The following WASF1 variants were observed in gnomAD, a reference collection of about 807,000 sequenced individuals.
The protein encoded by WASF1 is WASP family member 1, also known as actin-binding protein WASF1.
Under a neutral mutation model 50.5 loss-of-function variants are expected in WASF1, and 7 were observed. The observed-to-expected ratio is 0.14, with a 90% CI of 0.08 to 0.26. The LOEUF (loss-of-function observed/expected upper bound fraction) is 0.26. WASF1 is among the 10% of genes least tolerant of loss of function. The pLI, the probability that WASF1 is intolerant of heterozygous loss-of-function variation, is 1.00. For missense variants in WASF1, 470 were observed against 694.7 expected (o/e 0.68, Z 3.64); for synonymous variants, 205 against 244.0 (o/e 0.84, Z 1.49).
intron 5 of WASF1, among the ~76,000 whole-genome samples, chr6:110,110,820 GT>G (rs140344157): frequency 8.0e-4 from 118 of 147,910 alleles, no homozygotes; most frequent in African/African-American, 9.6e-4. Flanking sequence ...TACACATGAT[GT>G]TTTTTTTTTA....
rs1405946876 is a variant in WASF1, at chr6:110,160,640, AGATTTTAAC to A, written c.-43_-35del. On this transcript the variant is annotated 5_prime_UTR_variant, in exon 3 of 11. It removes the in-frame stop codon of an upstream open reading frame in the 5' UTR. Transcript: ENST00000392589. Reference sequence around the variant, plus strand: ...ACATTACTTCTTAATTTTACCTTGAAGATTTTAACGATTTTGCAGCCATAGCTTCCACTG... The same window carrying A: ...ACATTACTTCTTAATTTTACCTTGAAGATTTTGCAGCCATAGCTTCCACTG... 2.0e-5 allele frequency: 3 copies of A among 151,738 alleles called. No homozygotes were observed. Among genetic ancestry groups the A allele is most frequent in the Non-Finnish European group, 3.0e-5 (2 of 67,750 alleles). The allele number at this position is 151,738 out of a possible 1,614,324, so 9.4% of individuals were successfully genotyped here. A position where few individuals can be genotyped will look rare whatever the true frequency, so the allele number is the denominator to read the frequency against.
At chr6:110,175,086 A>G (rs1429128653) in intron 2 of WASF1, among the ~76,000 whole-genome samples, 2 of 152,150 alleles carry the variant, frequency 1.3e-5, no homozygotes, top group African/African-American at 4.8e-5. Flanking sequence ...CACCCCAGGT[A>G]AGGCTGCTAC....
rs762598369 is a variant in WASF1 at position 110,101,712 on chromosome 6, A to C, written c.1398T>G (p.His466Gln). 2.9e-5 allele frequency: 47 copies of C among 1,614,020 alleles called. No individual in the cohort carries two copies. Among genetic ancestry groups the C allele is most frequent in the Middle Eastern group, 1.6e-4 (1 of 6,082 alleles). The change falls in exon 10 of 11, where the codon CAT becomes CAG. Residue 466 changes from histidine (H) to glutamine (Q), a missense_variant. Transcript: ENST00000392589. ...HPTPSTAPGP[H>Q]VPLMPPSPPS... ...GAGGAGATGGAGGCATTAATGGAACATGGGGACCTGGGGCAGTAGATGGAG... is the reference window on the plus strand; with the variant it reads ...GAGGAGATGGAGGCATTAATGGAACCTGGGGACCTGGGGCAGTAGATGGAG...
chr6:110,113,198 C>G, intron 5 of WASF1, 128 bp downstream of exon 5: 1 of 811,638 alleles, frequency 1.2e-6, no homozygotes, highest in Non-Finnish European at 1.7e-6. Flanking sequence ...TGATTTATTA[C>G]AATATGTACA....
At chr6:110,153,792 G>GAA (rs200326015) in intron 3 of WASF1, among the ~76,000 whole-genome samples, 1 of 128,324 alleles carries the variant, frequency 7.8e-6, no homozygotes, top group Non-Finnish European at 1.7e-5. Context: ...CCTCAAAAAA[G>GAA]AAAAAAAAAA....
chr6:110,115,465 C>T (rs1026022158), intron 4 of WASF1, among the ~76,000 whole-genome samples: 1 of 152,108 alleles, frequency 6.6e-6, no homozygotes, highest in Non-Finnish European at 1.5e-5. Context: ...ACGCTTTGTC[C>T]CTGAAGTCAG....
Position 110,107,105 on chromosome 6 carries a change from T to C in WASF1, c.512A>G (p.Asp171Gly), listed in dbSNP as rs1475353081. The change falls in exon 7 of 11, where the codon GAT becomes GGT. Residue 171 changes from aspartate to glycine, a missense_variant. Physicochemically the swap from Asp to Gly is moderately conservative, Grantham distance 94. Around this residue, in one of 3 missense-constraint regions of WASF1, gnomAD observed 140 missense variants for 260.5 expected, o/e 0.54. Transcript: ENST00000392589. ...WKEKMLQDTE[D>G]KRKEKRKQKQ... ...CTGCTTCCTCTTTTCCTTCCTCTTA[T>C]CCTCTGTATCTTGCAACATTTTTTC... The C allele has an allele frequency of 6.2e-7, 1 of 1,607,344 alleles. No homozygotes were observed. Among genetic ancestry groups the C allele is most frequent in the Non-Finnish European group, 8.5e-7 (1 of 1,177,950 alleles).
Position 110,153,067 on chromosome 6 carries a change from T to C in WASF1, c.-29+7568A>G, listed in dbSNP as rs577557851. ...ATTCATCCATGTTGTTGCACTTGTTTATGGAAATTTGGGTAATATTCCGGT... is the reference window on the plus strand; with the variant it reads ...ATTCATCCATGTTGTTGCACTTGTTCATGGAAATTTGGGTAATATTCCGGT... On this transcript the variant is annotated intron_variant, in intron 3 of 10. Transcript: ENST00000392589. Among the ~76,000 whole-genome samples the C allele has an allele frequency of 1.6e-3, 250 of 152,338 alleles. 1 individual carries two copies. Among genetic ancestry groups the C allele is most frequent in the South Asian group, 7.3e-3 (35 of 4,826 alleles).
intron 2 of WASF1, among the ~76,000 whole-genome samples, chr6:110,169,763 T>G (rs73537907): frequency 0.027 from 4,158 of 152,288 alleles, 180 homozygotes; most frequent in African/African-American, 0.094. Context: ...TAAAACTTAG[T>G]TTCCACCACA....
intron 5 of WASF1, among the ~76,000 whole-genome samples, chr6:110,112,965 T>C (rs1233421393): frequency 6.6e-6 from 1 of 151,194 alleles, no homozygotes; most frequent in African/African-American, 2.4e-5. Flanking sequence ...TTCAGGTAAT[T>C]TTCTAATAAT....
intron 3 of WASF1, among the ~76,000 whole-genome samples, chr6:110,128,758 G>T (rs1436023859): frequency 6.6e-6 from 1 of 152,176 alleles, no homozygotes; most frequent in Non-Finnish European, 1.5e-5. Flanking sequence ...TCAGTGGCCT[G>T]TAAGGAACCA....
intron 3 of WASF1, among the ~76,000 whole-genome samples, chr6:110,147,732 G>A (rs549652151): frequency 1.3e-5 from 2 of 152,088 alleles, no homozygotes; most frequent in South Asian, 2.1e-4. Context: ...GCATAATACT[G>A]CACCAAGGTT....
chr6:110,165,721 T>C (rs1052532827), intron 2 of WASF1, among the ~76,000 whole-genome samples: 1 of 151,734 alleles, frequency 6.6e-6, no homozygotes. Flanking sequence ...GGATCTTCTG[T>C]ACCAGTGAAA....
At chr6:110,173,840 T>C (rs927050879) in intron 2 of WASF1, among the ~76,000 whole-genome samples, 17 of 152,178 alleles carry the variant, frequency 1.1e-4, no homozygotes, top group African/African-American at 2.2e-4. Flanking sequence ...CCTCTGGGCA[T>C]GGAGGACCCA....
At chr6:110,159,051 CATACCAT>C in intron 3 of WASF1, among the ~76,000 whole-genome samples, 1 of 152,030 alleles carries the variant, frequency 6.6e-6, no homozygotes, top group Non-Finnish European at 1.5e-5. Context: ...TCTATTCAGT[CATACCAT>C]AAGCTCCCTG....
intron 4 of WASF1, among the ~76,000 whole-genome samples, chr6:110,122,472 G>T (rs6932203): frequency 0.089 from 13,485 of 152,106 alleles, 967 homozygotes; most frequent in African/African-American, 0.2. Context: ...ATGTGTTTTT[G>T]TAAAGTTACA....
intron 3 of WASF1, 56 bp from the exon 4 acceptor site, chr6:110,127,685 G>A (rs1774477233): frequency 1.5e-6 from 2 of 1,377,290 alleles, no homozygotes; most frequent in East Asian, 2.7e-5. Context: ...CACAGAATGA[G>A]ACTTTATTTT....
chr6:110,153,084 T>C (rs1038059698), intron 3 of WASF1, among the ~76,000 whole-genome samples: 3 of 152,228 alleles, frequency 2.0e-5, no homozygotes, highest in African/African-American at 7.2e-5. Flanking sequence ...ATTTGGGTAA[T>C]ATTCCGGTTT....
chr6:110,170,153 A>G (rs1776644337), intron 2 of WASF1, among the ~76,000 whole-genome samples: 1 of 152,168 alleles, frequency 6.6e-6, no homozygotes, highest in African/African-American at 2.4e-5. Flanking sequence ...TTGATATGCT[A>G]AGAGAGGAGA....
Sources: gnomAD v4.1 joint callset for allele counts (sites outside exome capture counted in the v4.1 genomes callset) on GRCh38, gnomAD v4.1.1 for gene constraint, gnomAD v4.1.1 regional missense constraint, MANE v1.5 for transcripts, NCBI Gene and HGNC (gene_info 2026-07-23, HGNC 2026-07-21) for gene names.